The following METTL15 variants were observed in gnomAD, a reference collection of about 807,000 sequenced individuals.
The protein encoded by METTL15 is 12S rRNA N(4)-cytidine methyltransferase METTL15.
Under a neutral mutation model 38.3 loss-of-function variants are expected in METTL15, and 34 were observed. That is an observed-to-expected ratio of 0.89 (90% CI 0.68 to 1.18). The LOEUF is 1.18. METTL15 is among the 50% of genes most tolerant of loss of function. METTL15 has a pLI of 0.00. For missense variants in METTL15, 438 were observed against 498.4 expected (o/e 0.88, Z 1.15); for synonymous variants, 162 against 170.9 (o/e 0.95, Z 0.41).
At chr11:28,270,980 G>A (rs1349910074) in intron 4 of METTL15, among the ~76,000 whole-genome samples, 10 of 152,096 alleles carry the variant, frequency 6.6e-5, no homozygotes, top group African/African-American at 2.4e-4. Context: ...AAGATTATAT[G>A]CATCAATACA....
intron 5 of METTL15, among the ~76,000 whole-genome samples, chr11:28,292,083 G>C (rs180689689): frequency 3.3e-5 from 5 of 151,702 alleles, no homozygotes; most frequent in Admixed American, 3.3e-4. Context: ...TATACTTTAA[G>C]TTTTAGGGTA....
chr11:28,305,799 A>AG, intron 6 of METTL15, among the ~76,000 whole-genome samples: 1 of 152,248 alleles, frequency 6.6e-6, no homozygotes, highest in Non-Finnish European at 1.5e-5. Flanking sequence ...AATGAAGAGA[A>AG]GGGTCAAGTA....
At chr11:28,375,742 C>G (rs978271943) in intron 5 of METTL15, among the ~76,000 whole-genome samples, 7 of 151,970 alleles carry the variant, frequency 4.6e-5, no homozygotes, top group African/African-American at 1.7e-4. Context: ...TTTTCTAGTT[C>G]TTTTAATTGT....
At chr11:28,525,449 G>T (rs1851802339) in intron 6 of METTL15, among the ~76,000 whole-genome samples, 1 of 152,168 alleles carries the variant, frequency 6.6e-6, no homozygotes, top group Non-Finnish European at 1.5e-5. Context: ...ACAGAGTGCT[G>T]ATTGGTGCAT....
At chr11:28,472,647 A>G (rs1369111885) in intron 6 of METTL15, among the ~76,000 whole-genome samples, 2 of 152,174 alleles carry the variant, frequency 1.3e-5, no homozygotes, top group Non-Finnish European at 2.9e-5. Context: ...ACACAGAGAA[A>G]GACCTCTGGA....
At chr11:28,209,401 G>A (rs990465646) in intron 3 of METTL15, among the ~76,000 whole-genome samples, 14 of 151,866 alleles carry the variant, frequency 9.2e-5, no homozygotes, top group African/African-American at 3.1e-4. Flanking sequence ...CCAATTCATC[G>A]ATGTGTAAAA....
chr11:28,203,270 G>A (rs1034435904), intron 3 of METTL15, among the ~76,000 whole-genome samples: 1 of 152,018 alleles, frequency 6.6e-6, no homozygotes, highest in African/African-American at 2.4e-5. Flanking sequence ...CTGTCAGTAA[G>A]TCAGTCTTCA....
At chr11:28,208,165 T>G (rs1490570484) in intron 3 of METTL15, among the ~76,000 whole-genome samples, 2 of 152,208 alleles carry the variant, frequency 1.3e-5, no homozygotes, top group South Asian at 2.1e-4. Context: ...TTGAATGTGT[T>G]TGCTCTTGCT....
At chr11:28,424,420 C>T (rs1850847601) in intron 6 of METTL15, 1 of 151,950 alleles carries the variant, frequency 6.6e-6, no homozygotes, top group South Asian at 2.1e-4. Context: ...TGGAGGATAA[C>T]CTGAGGTAAA....
intron 4 of METTL15, among the ~76,000 whole-genome samples, chr11:28,265,070 G>C (rs1374556675): frequency 6.6e-6 from 1 of 152,082 alleles, no homozygotes; most frequent in Non-Finnish European, 1.5e-5. Context: ...CCAATCAGAG[G>C]CTTTGTGAAA....
rs1422386847 is a variant in METTL15 at position 28,327,489 on chromosome 11, T to A, written c.779-2907T>A. 1.2e-4 allele frequency: 19 copies of A among 152,582 alleles called. No individual in the cohort carries two copies. In the East Asian group the frequency reaches 2.7e-3, roughly 22 times the overall value. 9.5% of individuals were successfully genotyped at this position (152,582 alleles called of 1,614,324 possible). A position where few individuals can be genotyped will look rare whatever the true frequency, so the allele number is the denominator to read the frequency against. Reference sequence around the variant, plus strand: ...GATTCATATATACTAGGGGATATACTTAATGTGAACATGATTTATATAAAC... The same window carrying A: ...GATTCATATATACTAGGGGATATACATAATGTGAACATGATTTATATAAAC... On this transcript the variant is annotated intron_variant, in intron 6 of 6. Transcript: ENST00000407364.
intron 4 of METTL15, among the ~76,000 whole-genome samples, chr11:28,289,730 T>G (rs1047499233): frequency 2.6e-5 from 4 of 152,202 alleles, no homozygotes; most frequent in Admixed American, 2.6e-4. Context: ...CACCCTATTC[T>G]AATTTATAGG....
intron 3 of METTL15, among the ~76,000 whole-genome samples, chr11:28,183,936 C>G (rs1186456851): frequency 6.6e-6 from 1 of 151,990 alleles, no homozygotes; most frequent in Non-Finnish European, 1.5e-5. Context: ...AATTTCAGAA[C>G]TTGTTATTGG....
intron 5 of METTL15, among the ~76,000 whole-genome samples, chr11:28,378,333 C>G (rs1357297614): frequency 6.6e-6 from 1 of 152,208 alleles, no homozygotes; most frequent in African/African-American, 2.4e-5. Flanking sequence ...ACCCTCTGAG[C>G]CAGGTGCGGG....
At chr11:28,294,283 G>A (rs952491363) in intron 5 of METTL15, among the ~76,000 whole-genome samples, 1 of 152,096 alleles carries the variant, frequency 6.6e-6, no homozygotes, top group African/African-American at 2.4e-5. Flanking sequence ...AAAAAGAAAA[G>A]TCATAGATTC....
chr11:28,464,929 C>A (rs1448225478), intron 6 of METTL15, among the ~76,000 whole-genome samples: 2 of 152,204 alleles, frequency 1.3e-5, no homozygotes, highest in African/African-American at 4.8e-5. Flanking sequence ...TTTCCTAACA[C>A]AAAAGAGATG....
chr11:28,266,140 A>C (rs1341018822), intron 4 of METTL15, among the ~76,000 whole-genome samples: 1 of 152,186 alleles, frequency 6.6e-6, no homozygotes, highest in Admixed American at 6.5e-5. Context: ...CCGTTGTGGA[A>C]GTCAGTGTGG....
intron 2 of METTL15, among the ~76,000 whole-genome samples, chr11:28,111,899 T>G (rs1044617958): frequency 5.9e-5 from 9 of 152,304 alleles, no homozygotes; most frequent in African/African-American, 1.9e-4. Context: ...TTAGGCATAA[T>G]TAATAATTTG....
chr11:28,303,556 T>A (rs960442720), intron 6 of METTL15, among the ~76,000 whole-genome samples: 4 of 152,172 alleles, frequency 2.6e-5, no homozygotes, highest in Non-Finnish European at 5.9e-5. Flanking sequence ...GGGGAGAAAC[T>A]TCTTAGATAT....
Sources: allele counts gnomAD v4.1 joint callset (sites outside exome capture counted in the v4.1 genomes callset), GRCh38; gene constraint gnomAD v4.1.1; transcripts MANE v1.5; gene names NCBI Gene and HGNC (gene_info 2026-07-23, HGNC 2026-07-21).